The following CACNA1A variants were observed in gnomAD, a reference collection of about 807,000 sequenced individuals.
CACNA1A encodes the protein voltage-dependent P/Q-type calcium channel subunit alpha-1A.
In CACNA1A, 57 loss-of-function variants were observed where a neutral mutation model predicts 262.4. The observed-to-expected ratio is 0.22, with a 90% CI of 0.18 to 0.27. The LOEUF (loss-of-function observed/expected upper bound fraction) is 0.27, where lower values mean the gene tolerates loss of function less well. Among genes scored for constraint, CACNA1A ranks in the 10% least tolerant of loss-of-function variants. The probability of loss-of-function intolerance (pLI) is 1.00; values close to 1 mark genes in which losing one functional copy is unlikely to be tolerated. For synonymous variants in CACNA1A, 1,431 were observed against 1,419.3 expected, an observed-to-expected ratio of 1.01 and a Z score of -0.18; for missense variants, 2,526 against 3,562.8, an observed-to-expected ratio of 0.71 and a Z score of 7.41.
chr19:13,227,549 A>T, intron 36 of CACNA1A, 22 bp from the exon 37 acceptor site: 2 of 1,376,748 alleles, frequency 1.5e-6, no homozygotes, highest in Non-Finnish European at 2.0e-6. Flanking sequence ...GAAAATGAAA[A>T]AAACAAAAAC....
intron 1 of CACNA1A, among the ~76,000 whole-genome samples, chr19:13,492,546 C>T (rs1016182057): frequency 1.3e-5 from 2 of 152,160 alleles, no homozygotes; most frequent in Non-Finnish European, 2.9e-5. Flanking sequence ...CCTAGGGAAA[C>T]AGTGACAGAA....
chr19:13,318,030 C>T (rs1045913205), intron 10 of CACNA1A, among the ~76,000 whole-genome samples: 1 of 152,142 alleles, frequency 6.6e-6, no homozygotes, highest in Non-Finnish European at 1.5e-5. Context: ...TGCCTCTAAT[C>T]CCAGTACTTT....
intron 3 of CACNA1A, among the ~76,000 whole-genome samples, chr19:13,378,064 A>G (rs1456297662): frequency 2.0e-5 from 3 of 152,324 alleles, no homozygotes; most frequent in African/African-American, 7.2e-5. Flanking sequence ...AATTTTGAGG[A>G]AGTCAATTCC....
chr19:13,275,987 C>T, intron 23 of CACNA1A, 31 bp from the exon 24 acceptor site: 1 of 1,477,688 alleles, frequency 6.8e-7, no homozygotes, highest in Non-Finnish European at 9.4e-7. Flanking sequence ...TGCTCAGAAC[C>T]CCCACCTGAT....
intron 17 of CACNA1A, 157 bp downstream of exon 17, chr19:13,303,389 G>GT (rs1162077557): frequency 1.7e-6 from 1 of 591,234 alleles, no homozygotes; most frequent in Admixed American, 2.9e-5. Context: ...GGAGTGGGGG[G>GT]AGAGGCGCCT....
intron 6 of CACNA1A, among the ~76,000 whole-genome samples, chr19:13,337,797 C>A (rs2058601825): frequency 6.6e-6 from 1 of 152,184 alleles, no homozygotes; most frequent in African/African-American, 2.4e-5. Flanking sequence ...TTACACAAAC[C>A]TAGATGGTAT....
chr19:13,237,426 T>C (rs941759576), intron 31 of CACNA1A, among the ~76,000 whole-genome samples: 1 of 152,184 alleles, frequency 6.6e-6, no homozygotes, highest in Non-Finnish European at 1.5e-5. Flanking sequence ...GCCTCCCTCC[T>C]GTTTCAAAAG....
At chr19:13,303,485 T>G in intron 17 of CACNA1A, 61 bp downstream of exon 17, 1 of 49,256 alleles carries the variant, frequency 2.0e-5, no homozygotes, top group Non-Finnish European at 4.3e-5. Context: ...CCCACCCCCG[T>G]CCTGATCTGC....
At chr19:13,240,373 C>G (rs1019546192) in intron 31 of CACNA1A, among the ~76,000 whole-genome samples, 1 of 150,884 alleles carries the variant, frequency 6.6e-6, no homozygotes, top group Non-Finnish European at 1.5e-5. Context: ...TGTGCAGTGA[C>G]TGTGTGTGCA....
intron 6 of CACNA1A, among the ~76,000 whole-genome samples, chr19:13,359,276 C>T (rs1201403345): frequency 1.3e-5 from 2 of 152,222 alleles, no homozygotes; most frequent in African/African-American, 4.8e-5. Context: ...AAAGATATTA[C>T]TCTATCTTTT....
intron 29 of CACNA1A, among the ~76,000 whole-genome samples, 166 bp downstream of exon 29, chr19:13,254,929 G>A (rs985514368): frequency 4.6e-5 from 7 of 152,266 alleles, no homozygotes; most frequent in Non-Finnish European, 8.8e-5. Flanking sequence ...GGCCGGGGGA[G>A]TGGTGGGAAC....
rs781355196 is a variant in CACNA1A, at chr19:13,224,715, T to C, written c.5683A>G (p.Thr1895Ala). ...GCTGTGCGGATCAGAGCCATGAGGGTGGAATTGAAGTGGACGGTGTTGTCA... is the reference window on the plus strand; with the variant it reads ...GCTGTGCGGATCAGAGCCATGAGGGCGGAATTGAAGTGGACGGTGTTGTCA... Reference protein sequence around the residue: ...ADDNTVHFNSTLMALIRTALD... With the variant: ...ADDNTVHFNSALMALIRTALD... Residue 1895 changes from threonine to alanine, a missense_variant, in exon 38 of 47, where the codon ACC becomes GCC. By Grantham distance (58) the Thr-to-Ala change is moderately conservative. This residue lies in a region of CACNA1A where 112 missense variants were observed against 197.2 expected (regional missense o/e 0.57). Transcript: ENST00000360228. 1 of 1,612,308 alleles carries C rather than the reference T, an allele frequency of 6.2e-7. No individual in the cohort carries two copies. The highest frequency in any genetic ancestry group is 1.1e-5 in the South Asian group (1 of 90,726).
At chr19:13,455,002 C>G (rs1459650207) in intron 2 of CACNA1A, 105 bp downstream of exon 2, 1 of 636,826 alleles carries the variant, frequency 1.6e-6, no homozygotes, top group Non-Finnish European at 2.9e-6. Flanking sequence ...TGATCTGGCT[C>G]TGGGCTCCAG....
intron 44 of CACNA1A, 102 bp downstream of exon 44, chr19:13,210,514 TG>T: frequency 1.1e-6 from 1 of 887,384 alleles, no homozygotes; most frequent in Non-Finnish European, 1.6e-6. Context: ...AAAGAAAGGG[TG>T]GGGTCCGGGG....
chr19:13,409,653 C>G (rs1840480599), intron 3 of CACNA1A, among the ~76,000 whole-genome samples: 1 of 152,146 alleles, frequency 6.6e-6, no homozygotes, highest in Admixed American at 6.5e-5. Context: ...TCAAATGATC[C>G]TCCCGTTTTA....
intron 17 of CACNA1A, among the ~76,000 whole-genome samples, chr19:13,302,506 A>G (rs1220688622): frequency 6.6e-6 from 1 of 152,232 alleles, no homozygotes; most frequent in Admixed American, 6.5e-5. Context: ...AGGATTAAAA[A>G]CACGTATTAA....
intron 28 of CACNA1A, among the ~76,000 whole-genome samples, chr19:13,255,656 T>TCCTC (rs1482679240): frequency 2.8e-5 from 4 of 143,628 alleles, no homozygotes; most frequent in Admixed American, 7.1e-5. Flanking sequence ...TTCTTCCCCT[T>TCCTC]CCTCCCTCCC....
chr19:13,221,246 T>TTC (rs2055218053), intron 38 of CACNA1A, among the ~76,000 whole-genome samples: 1 of 57,200 alleles, frequency 1.7e-5, no homozygotes, highest in Non-Finnish European at 3.3e-5. Flanking sequence ...TTTTTTTTTT[T>TTC]TTTTTGAGAC....
At chr19:13,429,543 A>AAAAAAAAAC (rs2060468289) in intron 3 of CACNA1A, among the ~76,000 whole-genome samples, 1 of 151,720 alleles carries the variant, frequency 6.6e-6, no homozygotes. Flanking sequence ...AAAAAAAAAA[A>AAAAAAAAAC]AAAAAAAAGC....
Sources: gnomAD v4.1 joint callset for allele counts (sites outside exome capture counted in the v4.1 genomes callset) on GRCh38, gnomAD v4.1.1 for gene constraint, gnomAD v4.1.1 regional missense constraint, MANE v1.5 for transcripts, NCBI Gene and HGNC (gene_info 2026-07-23, HGNC 2026-07-21) for gene names.